Variants in TENM2 observed in about 807,000 individuals in gnomAD.
TENM2 encodes the protein teneurin transmembrane protein 2, also known as teneurin-2.
In TENM2, 52 loss-of-function variants were observed where a neutral mutation model predicts 245.2. The ratio of observed to expected loss-of-function variants is 0.21; its 90% CI spans 0.17 to 0.27. The LOEUF is 0.27. Among genes scored for constraint, TENM2 ranks in the 10% least tolerant of loss-of-function variants. The probability of loss-of-function intolerance (pLI) is 1.00; values close to 1 mark genes in which losing one functional copy is unlikely to be tolerated. For synonymous variants in TENM2, 1,363 were observed against 1,438.9 expected (o/e 0.95, Z 1.19); for missense variants, 3,046 against 3,666.8 (o/e 0.83, Z 4.37).
At chr5:167,067,258 T>A in the TENM2 span, among the ~76,000 whole-genome samples, 1 of 152,208 alleles carries the variant, frequency 6.6e-6, no homozygotes, top group African/African-American at 2.4e-5. Context: ...CTTAATGAAT[T>A]GATATTACAT....
chr5:167,170,610 C>T, the TENM2 span, among the ~76,000 whole-genome samples: 345 of 152,268 alleles, frequency 2.3e-3, 3 homozygotes, highest in African/African-American at 7.1e-3. Context: ...TATGTCAAGA[C>T]ATAAAAATCC....
chr5:168,189,902 C>T (rs988160985), intron 13 of TENM2, among the ~76,000 whole-genome samples: 4 of 152,092 alleles, frequency 2.6e-5, no homozygotes, highest in South Asian at 2.1e-4. Context: ...GCCACCATGC[C>T]CAGCCAGAAA....
At position 168,250,210 on chromosome 5, in the gene TENM2, G is replaced by T. The variant is rs144237295; in HGVS notation, c.7432+1839G>T. On this transcript the variant is annotated intron_variant, in intron 27 of 28. Transcript: ENST00000518659. ...TAAATTGATGGATGGGTAGGTGGAT[G>T]GGTGGGTGAATGGATGGATGGGTGT... 2.6e-5 allele frequency among the ~76,000 whole-genome samples: 4 copies of T among 152,112 alleles called. 1 individual carries two copies. In the East Asian group the frequency reaches 7.7e-4, roughly 29 times the overall value.
chr5:167,932,968 G>T, intron 3 of TENM2, among the ~76,000 whole-genome samples: 1 of 152,066 alleles, frequency 6.6e-6, no homozygotes, highest in Non-Finnish European at 1.5e-5. Context: ...CATCTTTGCA[G>T]CCCCAGCCTA....
At chr5:167,512,530 AT>A (rs1770039608) in intron 2 of TENM2, among the ~76,000 whole-genome samples, 1 of 152,232 alleles carries the variant, frequency 6.6e-6, no homozygotes, top group South Asian at 2.1e-4. Context: ...GCTGTAATGA[AT>A]TTATAGCATG....
chr5:167,295,442 G>T (rs1754894919), intron 1 of TENM2, among the ~76,000 whole-genome samples: 1 of 152,174 alleles, frequency 6.6e-6, no homozygotes, highest in Admixed American at 6.5e-5. Flanking sequence ...GGGCTTTGGT[G>T]CATATGTGAT....
chr5:167,736,466 G>T (rs975370213), intron 2 of TENM2, among the ~76,000 whole-genome samples: 1 of 151,808 alleles, frequency 6.6e-6, no homozygotes, highest in South Asian at 2.1e-4. Flanking sequence ...ATTTTATAGG[G>T]GTCAAAAATG....
At chr5:167,353,597 T>A (rs1371705432) in intron 1 of TENM2, among the ~76,000 whole-genome samples, 121 of 128,584 alleles carry the variant, frequency 9.4e-4, no homozygotes, top group Non-Finnish European at 1.8e-3. Context: ...AAGCTCCGCC[T>A]CCCGGGTTCA....
Position 167,353,555 on chromosome 5 carries a change from T to C in TENM2, c.227-21643T>C, listed in dbSNP as rs1235911194. On this transcript the variant is annotated intron_variant, in intron 1 of 28. Coordinates refer to ENST00000518659, the Ensembl canonical transcript of TENM2. ...CGGAGTCTCGCTCTGTCGCCCAGGC[T>C]GGAGTGCAGTGGCGGGATCTCGGCT... Among the ~76,000 whole-genome samples, 17 of 120,866 alleles carry C rather than the reference T, an allele frequency of 1.4e-4. No individual in the cohort carries two copies. In the East Asian group the frequency reaches 4.3e-3, roughly 31 times the overall value. The allele number at this position is 120,866 out of a possible 152,430, so 79.3% of individuals were successfully genotyped here. A position where few individuals can be genotyped will look rare whatever the true frequency, so the allele number is the denominator to read the frequency against.
intron 2 of TENM2, among the ~76,000 whole-genome samples, chr5:167,753,323 G>A (rs189156862): frequency 1.7e-4 from 26 of 152,302 alleles, no homozygotes; most frequent in African/African-American, 5.8e-4. Context: ...CAGAGGAAAA[G>A]AAATGAGACT....
intron 5 of TENM2, among the ~76,000 whole-genome samples, chr5:168,012,131 C>G (rs996899177): frequency 1.3e-5 from 2 of 152,134 alleles, no homozygotes; most frequent in Admixed American, 1.3e-4. Context: ...CCCCAGTATC[C>G]TCAGAACCGC....
chr5:167,573,815 C>T lies in TENM2; in HGVS notation c.502+198342C>T, dbSNP rs1432073336. ...GTCACATTGCTCCCCTGTTCCTTCC[C>T]GCAGGAGGGACTTAAAAGGGACAAC... On this transcript the variant is annotated intron_variant, in intron 2 of 28. Coordinates refer to ENST00000518659, the Ensembl canonical transcript of TENM2. Among the ~76,000 whole-genome samples, 13 of 151,328 alleles carry T rather than the reference C, an allele frequency of 8.6e-5. No homozygotes were observed. The East Asian group carries it at 1.9e-3, about 23-fold the overall frequency.
At chr5:167,747,930 A>C (rs1761703035) in intron 2 of TENM2, among the ~76,000 whole-genome samples, 1 of 152,042 alleles carries the variant, frequency 6.6e-6, no homozygotes, top group African/African-American at 2.4e-5. Flanking sequence ...TTTCTTATGA[A>C]GCTTCTCTGG....
chr5:167,044,576 TAG>T, the TENM2 span, among the ~76,000 whole-genome samples: 1 of 151,962 alleles, frequency 6.6e-6, no homozygotes, highest in Non-Finnish European at 1.5e-5. Context: ...TGAGATCACA[TAG>T]AGAGTTAGCA....
chr5:167,945,295 T>G (rs1289436424), intron 3 of TENM2, among the ~76,000 whole-genome samples: 1 of 151,554 alleles, frequency 6.6e-6, no homozygotes, highest in Non-Finnish European at 1.5e-5. Flanking sequence ...ACAAAAGAAA[T>G]ATAAGCAGTG....
chr5:168,029,867 A>G lies in TENM2; in HGVS notation c.1187-17560A>G, dbSNP rs1319221632. ...TGGGGAGGATGTGGATGAATTAATA[A>G]TTAATATCAAGATCCAACGGATTTT... On this transcript the variant is annotated intron_variant, in intron 5 of 28. Transcript: ENST00000518659. Among the ~76,000 whole-genome samples the G allele has an allele frequency of 3.3e-5, 5 of 152,218 alleles. No homozygotes were observed. The South Asian group carries it at 1.0e-3, about 32-fold the overall frequency.
chr5:167,090,712 A>G, the TENM2 span, among the ~76,000 whole-genome samples: 3 of 152,216 alleles, frequency 2.0e-5, no homozygotes, highest in Non-Finnish European at 4.4e-5. Context: ...GAAAGGTTTG[A>G]AGCATTCACA....
the TENM2 span, among the ~76,000 whole-genome samples, chr5:167,076,024 G>A: frequency 6.6e-6 from 1 of 152,136 alleles, no homozygotes; most frequent in African/African-American, 2.4e-5. Flanking sequence ...TTTCATGTAA[G>A]CTTATGCCCG....
chr5:167,390,985 A>G (rs1471208808), intron 2 of TENM2, among the ~76,000 whole-genome samples: 1 of 151,648 alleles, frequency 6.6e-6, no homozygotes, highest in East Asian at 1.9e-4. Context: ...TGAGCTACTT[A>G]TTTTTTTTCC....
Sources: gnomAD v4.1 joint callset for allele counts (sites outside exome capture counted in the v4.1 genomes callset) on GRCh38, gnomAD v4.1.1 for gene constraint, MANE v1.5 for transcripts, NCBI Gene and HGNC (gene_info 2026-07-23, HGNC 2026-07-21) for gene names.